SSPN: variants seen among roughly 807,000 people sequenced by gnomAD.
SSPN encodes K-ras oncogene-associated protein.
A neutral mutation model predicts 19.1 loss-of-function variants in SSPN; 15 were observed. That is an observed-to-expected ratio of 0.78 (90% CI 0.52 to 1.21). SSPN has a LOEUF of 1.21. SSPN is among the 50% of genes most tolerant of loss of function. SSPN has a pLI of 0.00. For synonymous variants in SSPN, 147 were observed against 140.3 expected, an observed-to-expected ratio of 1.05 and a Z score of -0.34; for missense variants, 291 against 314.0, an observed-to-expected ratio of 0.93 and a Z score of 0.55.
chr12:26,215,075 G>C (rs529918055), intron 1 of SSPN, among the ~76,000 whole-genome samples: 11 of 152,260 alleles, frequency 7.2e-5, no homozygotes, highest in African/African-American at 2.6e-4. Flanking sequence ...CTGTGCCTCA[G>C]TTCCTCTGGG....
In SSPN at chr12:26,230,866, G is replaced by T; in HGVS notation, c.522G>T (p.Arg174Ser). The T allele has an allele frequency of 6.2e-7, 1 of 1,614,164 alleles. No homozygotes were observed. The highest frequency in any genetic ancestry group is 1.1e-5 in the South Asian group (1 of 91,072). Residue 174 changes from arginine (R) to serine (S), a missense_variant, in exon 3 of 3, where the codon AGG (arginine) becomes AGT (serine). Physicochemically the swap from Arg to Ser is moderately radical, Grantham distance 110 (BLOSUM62 -1). Transcript: ENST00000242729. ...TGCCCTCCTCGGAGCCGCTCAGCAG[G>T]ACCTTTGTTTACCGGGATGTGACGG... ...CKLPSSEPLSRTFVYRDVTDC... is the reference protein window; with the variant it reads ...CKLPSSEPLSSTFVYRDVTDC...
At chr12:26,123,365 G>C (rs1217755811) in intron 1 of SSPN, among the ~76,000 whole-genome samples, 1 of 152,156 alleles carries the variant, frequency 6.6e-6, no homozygotes, top group African/African-American at 2.4e-5. Context: ...GGGAGAGGGC[G>C]CTCTCCTCCC....
chr12:26,148,359 C>T (rs1471034896), intron 1 of SSPN, among the ~76,000 whole-genome samples: 2 of 152,128 alleles, frequency 1.3e-5, no homozygotes, highest in Admixed American at 6.6e-5. Context: ...TTCTGGGCAC[C>T]GATGGGGAGG....
At chr12:26,173,139 G>A (rs1944663536) in intron 1 of SSPN, among the ~76,000 whole-genome samples, 1 of 152,114 alleles carries the variant, frequency 6.6e-6, no homozygotes, top group African/African-American at 2.4e-5. Flanking sequence ...GGATATAATG[G>A]CTGACGGGCT....
At chr12:26,208,528 T>G (rs969995849) in intron 1 of SSPN, among the ~76,000 whole-genome samples, 3 of 152,172 alleles carry the variant, frequency 2.0e-5, no homozygotes, top group Non-Finnish European at 4.4e-5. Context: ...TTCTGGTTGG[T>G]ATCATATCTT....
At chr12:26,199,862 C>G (rs1198384874) in intron 1 of SSPN, among the ~76,000 whole-genome samples, 1 of 152,204 alleles carries the variant, frequency 6.6e-6, no homozygotes, top group Non-Finnish European at 1.5e-5. Context: ...ATCTCCAGAT[C>G]CTGATGGACA....
rs1434961469 is a variant in SSPN, at chr12:26,230,991, T to G, written c.647T>G (p.Met216Arg). The G allele has an allele frequency of 1.4e-5, 23 of 1,614,214 alleles. No homozygotes were observed. The highest frequency in any genetic ancestry group is 1.9e-5 in the Non-Finnish European group (23 of 1,180,036). ...GLVCLLACFV[M>R]WKHRYQVFYV... ...GTGTGCTTGTTGGCCTGCTTTGTGA[T>G]GTGGAAACATAGGTACCAGGTCTTC... The change falls in exon 3 of 3, where the codon ATG becomes AGG. Residue 216 changes from methionine (M) to arginine (R), a missense_variant. Met to Arg is a moderately conservative substitution (Grantham distance 91). Around this residue, in one of 3 missense-constraint regions of SSPN, gnomAD observed 141 missense variants for 166.7 expected, o/e 0.85. Coordinates refer to ENST00000242729, the MANE Select transcript of SSPN (RefSeq NM_005086.5).
chr12:26,137,499 G>A lies in SSPN; in HGVS notation c.-31+15347G>A, dbSNP rs117208981. Among the ~76,000 whole-genome samples, 142 of 151,610 alleles carry A rather than the reference G, an allele frequency of 9.4e-4. 4 individuals carry two copies. The East Asian group carries it at 0.024, about 26-fold the overall frequency. On this transcript the variant is annotated intron_variant, in intron 1 of 2. Coordinates refer to the SSPN transcript ENST00000538142. ...GGAACTTCCCTAAACCTCAGTGTCC[G>A]CACTTATAGAATGAGGATCTTATAT...
At chr12:26,141,721 A>G (rs992361940) in intron 1 of SSPN, among the ~76,000 whole-genome samples, 3 of 152,376 alleles carry the variant, frequency 2.0e-5, no homozygotes, top group Admixed American at 1.3e-4. Context: ...CCAGACACAT[A>G]TCATTAACAT....
chr12:26,195,533 T>C, upstream of SSPN: 1 of 1,256,192 alleles, frequency 8.0e-7, no homozygotes, highest in Non-Finnish European at 1.0e-6. Flanking sequence ...GGAGGCTCGG[T>C]GAGTCGGCTC....
chr12:26,140,633 T>C (rs555256730), intron 1 of SSPN, among the ~76,000 whole-genome samples: 5 of 152,264 alleles, frequency 3.3e-5, no homozygotes, highest in East Asian at 1.9e-4. Flanking sequence ...TGTCATGAGA[T>C]CTGGCTGTTT....
chr12:26,185,584 AG>A (rs1944748526), intron 1 of SSPN, among the ~76,000 whole-genome samples: 1 of 152,200 alleles, frequency 6.6e-6, no homozygotes, highest in Non-Finnish European at 1.5e-5. Context: ...GACTAGGAAT[AG>A]GGAAGGGGCT....
chr12:26,147,857 A>G (rs1944502061), intron 1 of SSPN, among the ~76,000 whole-genome samples: 1 of 152,144 alleles, frequency 6.6e-6, no homozygotes, highest in African/African-American at 2.4e-5. Context: ...AAGGCTCTCA[A>G]AATACATGTG....
At chr12:26,136,482 T>C (rs973889273) in intron 1 of SSPN, among the ~76,000 whole-genome samples, 2 of 152,218 alleles carry the variant, frequency 1.3e-5, no homozygotes, top group Non-Finnish European at 2.9e-5. Context: ...AGTACCTCCC[T>C]CTGTTTATTG....
intron 1 of SSPN, among the ~76,000 whole-genome samples, chr12:26,144,655 A>C (rs906091557): frequency 3.3e-5 from 5 of 152,226 alleles, no homozygotes; most frequent in Non-Finnish European, 2.9e-5. Context: ...AATTATTGCA[A>C]TATAAGGCAG....
intron 1 of SSPN, among the ~76,000 whole-genome samples, chr12:26,218,311 C>A (rs1945079175): frequency 1.7e-5 from 1 of 59,742 alleles, no homozygotes; most frequent in African/African-American, 7.3e-5. Flanking sequence ...ACTCTGGGGA[C>A]TGTTGTGGGG....
chr12:26,122,222 C>T, intron 1 of SSPN: 1 of 1,302,008 alleles, frequency 7.7e-7, no homozygotes, highest in Non-Finnish European at 9.7e-7. Context: ...GCAGGAGGGT[C>T]GCGGCGGCGG....
intron 1 of SSPN, among the ~76,000 whole-genome samples, chr12:26,204,673 C>T (rs570241102): frequency 6.6e-5 from 10 of 152,132 alleles, no homozygotes; most frequent in Non-Finnish European, 1.3e-4. Context: ...TTAGTAGGTG[C>T]CTTCACTCTT....
upstream of SSPN, among the ~76,000 whole-genome samples, chr12:26,191,528 T>G (rs1226179539): frequency 6.6e-6 from 1 of 152,178 alleles, no homozygotes; most frequent in Non-Finnish European, 1.5e-5. Context: ...ATTGTCCATA[T>G]GATATTTAAC....
Sources: allele counts gnomAD v4.1 joint callset (sites outside exome capture counted in the v4.1 genomes callset), GRCh38; gene constraint gnomAD v4.1.1; regional missense constraint gnomAD v4.1.1; transcripts MANE v1.5; gene names NCBI Gene and HGNC (gene_info 2026-07-23, HGNC 2026-07-21).